Variants in AMPH observed in about 807,000 individuals in gnomAD.
AMPH encodes amphiphysin (Stiff-Mann syndrome with breast cancer 128kD autoantigen).
In AMPH, 49 loss-of-function variants were observed where a neutral mutation model predicts 99.1. That is an observed-to-expected ratio of 0.49 (90% CI 0.39 to 0.63). The LOEUF (loss-of-function observed/expected upper bound fraction) is 0.63. Among genes scored for constraint, AMPH ranks in the 20% least tolerant of loss-of-function variants. The pLI is 0.00. For missense variants in AMPH, 759 were observed against 863.4 expected, an observed-to-expected ratio of 0.88 and a Z score of 1.52; for synonymous variants, 314 against 317.3, an observed-to-expected ratio of 0.99 and a Z score of 0.11.
rs1254597855 is a variant in AMPH, at chr7:38,461,407, C to T, written c.893G>A (p.Arg298Lys). Residue 298 changes from arginine to lysine, a missense_variant, in exon 11 of 21, where the codon AGG becomes AAG. By Grantham distance (26) the Arg-to-Lys change is conservative (BLOSUM62 2). Transcript: ENST00000356264. ...TAGAGGTGGGACAGGAGGCCCTTTC[C>T]TTGTCTAGGAAGCATTAAATACAAA... ...PARPRSPSQTRKGPPVPPLPK... is the reference protein window; with the variant it reads ...PARPRSPSQTKKGPPVPPLPK... 9 of 1,614,070 alleles carry T rather than the reference C, an allele frequency of 5.6e-6. No individual in the cohort carries two copies. Among genetic ancestry groups the T allele is most frequent in the Non-Finnish European group, 7.6e-6 (9 of 1,179,936 alleles).
intron 4 of AMPH, 68 bp downstream of exon 4, chr7:38,494,365 G>C (rs935800743): frequency 3.1e-6 from 4 of 1,309,932 alleles, no homozygotes; most frequent in Non-Finnish European, 4.4e-6. Context: ...AGTGGAAAGA[G>C]CAAGTCAGGG....
chr7:38,427,776 T>C (rs1042209523), intron 14 of AMPH: 51 of 389,862 alleles, frequency 1.3e-4, no homozygotes, highest in Non-Finnish European at 2.4e-4. Flanking sequence ...GTGACAGACA[T>C]GAGGAAAAAC....
intron 2 of AMPH, among the ~76,000 whole-genome samples, chr7:38,517,957 A>T (rs1417716773): frequency 6.6e-6 from 1 of 152,150 alleles, no homozygotes; most frequent in Non-Finnish European, 1.5e-5. Context: ...AGCGCTCTAG[A>T]AGGGCTGAAC....
At chr7:38,588,147 T>C (rs1792733831) in intron 1 of AMPH, among the ~76,000 whole-genome samples, 1 of 151,974 alleles carries the variant, frequency 6.6e-6, no homozygotes. Context: ...AGAGATGGGG[T>C]TTGGCCATGT....
chr7:38,623,405 T>C (rs1421986726), intron 1 of AMPH, among the ~76,000 whole-genome samples: 2 of 152,206 alleles, frequency 1.3e-5, no homozygotes, highest in East Asian at 3.8e-4. Flanking sequence ...AGTATATATA[T>C]GTTTGCATTA....
intron 1 of AMPH, among the ~76,000 whole-genome samples, chr7:38,618,420 G>A (rs2129069413): frequency 6.6e-6 from 1 of 152,098 alleles, no homozygotes; most frequent in South Asian, 2.1e-4. Flanking sequence ...GCTGAGGCAG[G>A]AGAATGGCAT....
chr7:38,562,683 G>A (rs376580167), intron 1 of AMPH, among the ~76,000 whole-genome samples: 10 of 151,636 alleles, frequency 6.6e-5, no homozygotes, highest in Admixed American at 3.3e-4. Context: ...GGAGAGGAGA[G>A]GGGTATGGAG....
chr7:38,494,321 A>C, intron 4 of AMPH, 112 bp downstream of exon 4: 7 of 905,418 alleles, frequency 7.7e-6, no homozygotes, highest in Non-Finnish European at 5.4e-6. Context: ...GTGCCTTCTG[A>C]GCACACTGTC....
At chr7:38,620,552 C>T (rs778006561) in intron 1 of AMPH, among the ~76,000 whole-genome samples, 2 of 65,082 alleles carry the variant, frequency 3.1e-5, no homozygotes, top group South Asian at 5.2e-4. Context: ...CATACATACA[C>T]ACACACACAC....
Position 38,466,216 on chromosome 7 carries a change from T to A in AMPH, c.623A>T (p.Asn208Ile). 6.3e-7 allele frequency: 1 copy of A among 1,594,058 alleles called. No individual in the cohort carries two copies. The highest frequency in any genetic ancestry group is 8.5e-7 in the Non-Finnish European group (1 of 1,174,446). ...AAACTTGGCTTCAAGGCTGGAGACG[T>A]TTTTGAAAGTATTAACATAAAATCC... Reference protein sequence around the residue: ...RVGFYVNTFKNVSSLEAKFHK... With the variant: ...RVGFYVNTFKIVSSLEAKFHK... The change falls in exon 8 of 21, where the codon AAC becomes ATC. Residue 208 changes from asparagine (N) to isoleucine (I), a missense_variant. This residue lies in a region of AMPH where 205 missense variants were observed against 287.9 expected (regional missense o/e 0.71). Coordinates refer to ENST00000356264, the MANE Select transcript of AMPH (RefSeq NM_001635.4).
In AMPH at chr7:38,571,029, T is replaced by TTCATATATATA. The variant is rs1791952709; in HGVS notation, c.70-36019_70-36018insTATATATATGA. On this transcript the variant is annotated intron_variant, in intron 1 of 20. Coordinates refer to ENST00000356264, the MANE Select transcript of AMPH (RefSeq NM_001635.4). ...ATATAGAATATATATATTCATATATTGAATATATATAGAATATATATATTC... is the reference window on the plus strand; with the variant it reads ...ATATAGAATATATATATTCATATATTTCATATATATAGAATATATATAGAATATATATATTC... 2.1e-4 allele frequency among the ~76,000 whole-genome samples: 3 copies of TTCATATATATA among 14,262 alleles called. 1 individual carries two copies. Among genetic ancestry groups the TTCATATATATA allele is most frequent in the African/African-American group, 7.2e-4 (3 of 4,148 alleles). The allele number at this position is 14,262 out of a possible 152,430, so 9.4% of individuals were successfully genotyped here.
At chr7:38,558,192 C>T (rs1223629152) in intron 1 of AMPH, among the ~76,000 whole-genome samples, 1 of 152,174 alleles carries the variant, frequency 6.6e-6, no homozygotes, top group African/African-American at 2.4e-5. Context: ...ACTCTAAGCA[C>T]AGTTTCTAGA....
chr7:38,588,422 A>G (rs1438396106), intron 1 of AMPH, among the ~76,000 whole-genome samples: 1 of 152,194 alleles, frequency 6.6e-6, no homozygotes, highest in Non-Finnish European at 1.5e-5. Context: ...TCCTAGATAT[A>G]AGAAAGCTTC....
At chr7:38,532,182 C>T (rs1267981290) in intron 2 of AMPH, among the ~76,000 whole-genome samples, 1 of 152,148 alleles carries the variant, frequency 6.6e-6, no homozygotes, top group Non-Finnish European at 1.5e-5. Flanking sequence ...TCTCTTCCTT[C>T]TATCCTCCTT....
chr7:38,404,995 G>A (rs1250237057), intron 17 of AMPH, among the ~76,000 whole-genome samples: 1 of 151,998 alleles, frequency 6.6e-6, no homozygotes, highest in Non-Finnish European at 1.5e-5. Flanking sequence ...AATTCCAACA[G>A]ACTAACAGTC....
chr7:38,496,016 C>T (rs536304002), intron 3 of AMPH, among the ~76,000 whole-genome samples: 7 of 152,118 alleles, frequency 4.6e-5, no homozygotes, highest in Admixed American at 1.3e-4. Flanking sequence ...CCCCGACAGC[C>T]GGAAGGTGGG....
In AMPH at chr7:38,583,689, C is replaced by A. The variant is rs139679014; in HGVS notation, c.69+47594G>T. Among the ~76,000 whole-genome samples the A allele has an allele frequency of 1.2e-4, 18 of 152,304 alleles. No homozygotes were observed. The East Asian group carries it at 3.5e-3, about 29-fold the overall frequency. ...TAAAGAAAATAAAGCAGAGCCCCTG[C>A]CCCCAGGGAAGCTCACAGTCCACTA... is the stretch of plus-strand genomic sequence containing the variant. On this transcript the variant is annotated intron_variant, in intron 1 of 20. Transcript: ENST00000356264.
intron 5 of AMPH, among the ~76,000 whole-genome samples, chr7:38,479,745 AAATAAATT>A (rs1242169422): frequency 1.3e-5 from 2 of 149,202 alleles, no homozygotes; most frequent in South Asian, 2.2e-4. Flanking sequence ...AGCAACTAAG[AAATAAATT>A]AATAAAGAAG....
chr7:38,418,816 C>G (rs1470717703), intron 16 of AMPH, among the ~76,000 whole-genome samples: 1 of 152,088 alleles, frequency 6.6e-6, no homozygotes, highest in East Asian at 1.9e-4. Context: ...AAACATCATC[C>G]TGATTTCAAT....
Sources: gnomAD v4.1 joint callset for allele counts (sites outside exome capture counted in the v4.1 genomes callset) on GRCh38, gnomAD v4.1.1 for gene constraint, gnomAD v4.1.1 regional missense constraint, MANE v1.5 for transcripts, NCBI Gene and HGNC (gene_info 2026-07-23, HGNC 2026-07-21) for gene names.